NOTCH1: variants seen among roughly 807,000 people sequenced by gnomAD.
The protein encoded by NOTCH1 is notch receptor 1.
A neutral mutation model predicts 254.8 loss-of-function variants in NOTCH1; 37 were observed. The observed-to-expected ratio is 0.15, with a 90% CI of 0.11 to 0.19. NOTCH1 has a LOEUF of 0.19. Ranked by LOEUF, NOTCH1 falls within the 10% of genes least tolerant of loss-of-function variation. The pLI is 1.00. For synonymous variants in NOTCH1, 1,731 were observed against 1,618.1 expected (o/e 1.07, Z -1.68); for missense variants, 2,972 against 3,708.6 (o/e 0.80, Z 5.16).
At chr9:136,516,781 G>A (rs542533167) in intron 9 of NOTCH1, among the ~76,000 whole-genome samples, 11 of 152,268 alleles carry the variant, frequency 7.2e-5, no homozygotes, top group South Asian at 6.2e-4. Context: ...GGGCTCCACC[G>A]CGACCCCTGG....
rs772372556 is a variant in NOTCH1, at chr9:136,500,696, G to A, written c.5790C>T (p.Thr1930=). ...AGTAGCGGGCGGCCAGGTGCAAGGC[G>A]GTCTCGCCCGTGCGGTCTGTCTGGT... The part of the protein sequence containing the change: ...LHNQTDRTGE[T]ALHLAARYSR... The change falls in exon 31 of 34, where the codon ACC becomes ACT. Residue 1930 remains threonine, a synonymous_variant. Coordinates refer to ENST00000651671, the MANE Select transcript of NOTCH1 (RefSeq NM_017617.5). 20 of 1,610,420 alleles carry A rather than the reference G, an allele frequency of 1.2e-5. No individual in the cohort carries two copies. The highest frequency in any genetic ancestry group is 1.1e-4 in the East Asian group (5 of 44,896).
intron 2 of NOTCH1, among the ~76,000 whole-genome samples, chr9:136,530,491 G>T (rs1417304878): frequency 1.3e-5 from 2 of 152,194 alleles, no homozygotes; most frequent in Non-Finnish European, 2.9e-5. Context: ...CGGAGCTGGG[G>T]TGGCCACTCT....
At chr9:136,509,536 G>A (rs11574899) in intron 18 of NOTCH1, among the ~76,000 whole-genome samples, 197 bp downstream of exon 18, 46 of 152,300 alleles carry the variant, frequency 3.0e-4, no homozygotes, top group African/African-American at 8.2e-4. Context: ...CTCCTGGTGC[G>A]GGACACAGGA....
At position 136,540,259 on chromosome 9, in the gene NOTCH1, TCCC is replaced by T. The variant is rs1239545863; in HGVS notation, c.140+3762_140+3764del. Among the ~76,000 whole-genome samples, 1 of 152,078 alleles carries T rather than the reference TCCC, an allele frequency of 6.6e-6. No individual in the cohort carries two copies. The highest frequency in any genetic ancestry group is 2.4e-5 in the African/African-American group (1 of 41,404). ...AGGAGCAGGGGCCATGTCTGCCCTGTCCCCACCGGGGGCCTGGCCTGGAGCAGA... is the reference window on the plus strand; with the variant it reads ...AGGAGCAGGGGCCATGTCTGCCCTGTCACCGGGGGCCTGGCCTGGAGCAGA... On this transcript the variant is annotated intron_variant, in intron 2 of 33. Transcript: ENST00000651671. This position sits in a 1 kb window ranked among gnomAD's most constrained non-coding sequence, Gnocchi z 4.4.
chr9:136,510,892 T>C, intron 16 of NOTCH1, 87 bp from the exon 17 acceptor site: 1 of 1,567,062 alleles, frequency 6.4e-7, no homozygotes, highest in Non-Finnish European at 8.7e-7. Context: ...CTACAGTGCC[T>C]CTCCCGACCC....
rs1843115354 is a variant in NOTCH1 at position 136,507,964 on chromosome 9, G to A, written c.3501C>T (p.Tyr1167=). 1.2e-6 allele frequency: 2 copies of A among 1,612,606 alleles called. No homozygotes were observed. The highest frequency in any genetic ancestry group is 1.3e-5 in the African/African-American group (1 of 74,940). The stretch of plus-strand genomic sequence containing the variant: ...TAGGAGGGACCCCCACCTTGCAGGA[G>A]TAGCCGCCCAGGTAGTCCGTGCAGG... ...GATCTDYLGG[Y]SCKCVAGYHG... is the part of the protein sequence containing the mutation. Residue 1167 remains tyrosine (Y), a synonymous_variant, in exon 21 of 34, where the codon TAC becomes TAT. Coordinates refer to ENST00000651671, the MANE Select transcript of NOTCH1 (RefSeq NM_017617.5).
In NOTCH1 at chr9:136,509,980, G is replaced by C. The variant is rs745353675; in HGVS notation, c.2741-19C>G. On this transcript the variant is annotated intron_variant, in intron 17 of 33. Coordinates refer to ENST00000651671, the MANE Select transcript of NOTCH1 (RefSeq NM_017617.5). ...CACGGGTCTGGGAGAGGACGGAAGG[G>C]TGAGTGTGAGGGGCAGGCACAAACC... is the stretch of plus-strand genomic sequence containing the variant. 2 of 1,608,198 alleles carry C rather than the reference G, an allele frequency of 1.2e-6. No homozygotes were observed. The highest frequency in any genetic ancestry group is 3.3e-5 in the Admixed American group (2 of 60,020).
rs1449033869 is a variant in NOTCH1, at chr9:136,505,852, G to A, written c.4044C>T (p.Asp1348=). Residue 1348 remains aspartate, a synonymous_variant, in exon 25 of 34, where the codon GAC becomes GAT. Coordinates refer to ENST00000651671, the MANE Select transcript of NOTCH1 (RefSeq NM_017617.5). ...AGCGCAGGCTGCCGCAGGTACGAGC[G>A]TCATTCTCACACGTGGCGCCCTCGA... ...AGFEGATCEN[D]ARTCGSLRCL... 12 of 1,595,172 alleles carry A rather than the reference G, an allele frequency of 7.5e-6. 1 individual carries two copies. In the East Asian group the frequency reaches 8.9e-5, roughly 12 times the overall value.
chr9:136,509,365 C>T (rs989959292), intron 18 of NOTCH1, among the ~76,000 whole-genome samples: 4 of 152,318 alleles, frequency 2.6e-5, no homozygotes, highest in African/African-American at 9.6e-5. Flanking sequence ...CAGAAACCGT[C>T]CTGGTAACAC....
chr9:136,529,827 C>T (rs945289802), intron 2 of NOTCH1, among the ~76,000 whole-genome samples: 9 of 152,270 alleles, frequency 5.9e-5, no homozygotes, highest in African/African-American at 2.2e-4. Context: ...AAGGGGCCCA[C>T]GACAGCCCAG....
In NOTCH1 at chr9:136,523,669, C is replaced by T. The variant is rs780362240; in HGVS notation, c.403+48G>A. On this transcript the variant is annotated intron_variant, in intron 3 of 33. Coordinates refer to ENST00000651671, the MANE Select transcript of NOTCH1 (RefSeq NM_017617.5). ...TACCTCAAGTTGCCTGGGCAGCTGG[C>T]GGCGGGCCTGGGTCTGCCCACCCCT... 48 of 1,561,084 alleles carry T rather than the reference C, an allele frequency of 3.1e-5. No homozygotes were observed. In the Admixed American group the frequency reaches 4.7e-4, roughly 15 times the overall value.
In NOTCH1 at chr9:136,496,024, G is replaced by A. The variant is rs1024852753; in HGVS notation, c.*47C>T. 22 of 1,568,720 alleles carry A rather than the reference G, an allele frequency of 1.4e-5. No homozygotes were observed. Among genetic ancestry groups the A allele is most frequent in the Non-Finnish European group, 1.5e-5 (18 of 1,163,936 alleles). On this transcript the variant is annotated 3_prime_UTR_variant, in exon 34 of 34. Transcript: ENST00000651671. Reference sequence around the variant, plus strand: ...TGGCATCCACAGAGCGCACACAGACGCCCGAAGGCTTGGGAAAGGAAGCCG... The same window carrying A: ...TGGCATCCACAGAGCGCACACAGACACCCGAAGGCTTGGGAAAGGAAGCCG...
At chr9:136,526,913 G>A (rs1843469366) in intron 2 of NOTCH1, among the ~76,000 whole-genome samples, 2 of 152,194 alleles carry the variant, frequency 1.3e-5, no homozygotes, top group Admixed American at 6.5e-5. Flanking sequence ...GGAGGCTCCC[G>A]TGGGGGAATG....
chr9:136,519,327 C>T, intron 5 of NOTCH1, 116 bp downstream of exon 5: 2 of 1,463,932 alleles, frequency 1.4e-6, no homozygotes, highest in Non-Finnish European at 1.9e-6. Context: ...CAACCCTAGT[C>T]TGCCTGGCCT....
chr9:136,539,986 T>G (rs1589082252), intron 2 of NOTCH1, among the ~76,000 whole-genome samples: 3 of 152,122 alleles, frequency 2.0e-5, no homozygotes, highest in Admixed American at 6.5e-5. Flanking sequence ...GCTGGGGCTG[T>G]GTTTAGGGAC....
At chr9:136,517,512 C>T (rs761045940) in intron 8 of NOTCH1, 127 bp from the exon 9 acceptor site, 57 of 821,198 alleles carry the variant, frequency 6.9e-5, no homozygotes, top group East Asian at 2.9e-4. Flanking sequence ...GGGCCCCCTG[C>T]GCACCCGCTC....
At position 136,495,540 on chromosome 9, in the gene NOTCH1, G is replaced by A. The variant is rs549272765; in HGVS notation, c.*531C>T. ...GCCAGCTTTGCCTCCGTTTGCCTCT[G>A]GATGCAGCTTCTCCTAACAGGCAGG... On this transcript the variant is annotated 3_prime_UTR_variant, in exon 34 of 34. Coordinates refer to ENST00000651671, the MANE Select transcript of NOTCH1 (RefSeq NM_017617.5). The A allele has an allele frequency of 1.0e-5, 4 of 399,748 alleles. No individual in the cohort carries two copies. Among genetic ancestry groups the A allele is most frequent in the African/African-American group, 6.2e-5 (3 of 48,656 alleles). 24.8% of individuals were successfully genotyped at this position (399,748 alleles called of 1,614,324 possible).
At chr9:136,543,798 G>A in intron 2 of NOTCH1, 2 of 626,416 alleles carry the variant, frequency 3.2e-6, no homozygotes, top group Non-Finnish European at 5.8e-6. Flanking sequence ...GTGGCCCACG[G>A]AGGAGTGCCC....
At chr9:136,533,001 C>T (rs1017586504) in intron 2 of NOTCH1, among the ~76,000 whole-genome samples, 1 of 152,226 alleles carries the variant, frequency 6.6e-6, no homozygotes, top group African/African-American at 2.4e-5. Flanking sequence ...GCCCGTCCAC[C>T]AGAGAGCTGC....
Sources: allele counts gnomAD v4.1 joint callset (sites outside exome capture counted in the v4.1 genomes callset), GRCh38; gene constraint gnomAD v4.1.1; non-coding constraint Gnocchi (gnomAD v3.1); transcripts MANE v1.5; gene names NCBI Gene and HGNC (gene_info 2026-07-23, HGNC 2026-07-21).